The following SMYD2 variants were observed in gnomAD, a reference collection of about 807,000 sequenced individuals.
SMYD2 encodes the protein N-lysine methyltransferase SMYD2.
Under a neutral mutation model 59.1 loss-of-function variants are expected in SMYD2, and 53 were observed. The observed-to-expected ratio is 0.90, with a 90% CI of 0.72 to 1.13. The LOEUF is 1.13. SMYD2 is among the 50% of genes most tolerant of loss of function. The probability of loss-of-function intolerance (pLI) is 0.00; values close to 1 mark genes in which losing one functional copy is unlikely to be tolerated. For synonymous variants in SMYD2, 208 were observed against 198.8 expected (o/e 1.05, Z -0.39); for missense variants, 494 against 544.7 (o/e 0.91, Z 0.93).
chr1:214,321,697 G>A (rs1269294298), intron 5 of SMYD2, among the ~76,000 whole-genome samples: 2 of 152,222 alleles, frequency 1.3e-5, no homozygotes, highest in African/African-American at 4.8e-5. Context: ...TGATTGGGAA[G>A]TGTATTTTTG....
At chr1:214,322,877 T>A (rs1447608851) in intron 5 of SMYD2, among the ~76,000 whole-genome samples, 4 of 152,218 alleles carry the variant, frequency 2.6e-5, no homozygotes, top group Non-Finnish European at 5.9e-5. Context: ...AAATCTGAAG[T>A]ACCTAGCACA....
At chr1:214,325,205 C>A (rs1269107342) in intron 6 of SMYD2, among the ~76,000 whole-genome samples, 1 of 152,202 alleles carries the variant, frequency 6.6e-6, no homozygotes, top group Non-Finnish European at 1.5e-5. Flanking sequence ...ATAAAAATTT[C>A]AAAGAACTGT....
chr1:214,327,737 C>G lies in SMYD2; in HGVS notation c.705+13C>G, dbSNP rs762028244. 2.5e-6 allele frequency: 4 copies of G among 1,609,480 alleles called. No individual in the cohort carries two copies. The highest frequency in any genetic ancestry group is 1.3e-5 in the African/African-American group (1 of 74,816). On this transcript the variant is annotated intron_variant, in intron 7 of 11. Coordinates refer to ENST00000366957, the MANE Select transcript of SMYD2 (RefSeq NM_020197.3). ...GCCGGGAGAGGAGGTGAGTTCATGG[C>G]TATGGGTGGCTGCAGCAGGGGGCTT...
In SMYD2 at chr1:214,334,327, C is replaced by T. The variant is rs1476549549; in HGVS notation, c.1221+19C>T. On this transcript the variant is annotated intron_variant, in intron 11 of 11. Transcript: ENST00000366957. ...GAAGAAGGTATGTCTGTAACTCGGC[C>T]TTAGGATTCCCAGTGGCCAGATGGC... The T allele has an allele frequency of 7.5e-6, 12 of 1,608,482 alleles. No individual in the cohort carries two copies. In the South Asian group the frequency reaches 1.2e-4, roughly 16 times the overall value.
intron 1 of SMYD2, among the ~76,000 whole-genome samples, chr1:214,302,366 T>C (rs80230050): frequency 2.1e-4 from 32 of 151,434 alleles, no homozygotes; most frequent in African/African-American, 7.3e-4. Flanking sequence ...CAGTGTTTCC[T>C]GAGCTTTGAT....
chr1:214,282,148 G>T (rs535998716), intron 1 of SMYD2, among the ~76,000 whole-genome samples: 7 of 152,272 alleles, frequency 4.6e-5, no homozygotes, highest in African/African-American at 1.7e-4. Context: ...ATGTGTCTGT[G>T]TTTGTATATA....
chr1:214,298,596 GCAAA>G (rs1277997550), intron 1 of SMYD2, among the ~76,000 whole-genome samples: 2 of 152,140 alleles, frequency 1.3e-5, no homozygotes, highest in Admixed American at 1.3e-4. Context: ...TATCAACAGA[GCAAA>G]CAGACACCCT....
intron 2 of SMYD2, among the ~76,000 whole-genome samples, chr1:214,308,108 G>T (rs1037158150): frequency 6.6e-6 from 1 of 152,206 alleles, no homozygotes; most frequent in South Asian, 2.1e-4. Context: ...CCTGAGCACC[G>T]GGGATTACTT....
chr1:214,316,145 G>T (rs1188247716), intron 3 of SMYD2, among the ~76,000 whole-genome samples: 2 of 152,168 alleles, frequency 1.3e-5, no homozygotes, highest in African/African-American at 4.8e-5. Flanking sequence ...AGAGAAGTTG[G>T]TGGCAGGGCC....
chr1:214,312,429 A>T lies in SMYD2; in HGVS notation c.238-2333A>T, dbSNP rs1657011768. Among the ~76,000 whole-genome samples, 1 of 152,220 alleles carries T rather than the reference A, an allele frequency of 6.6e-6. No individual in the cohort carries two copies. The highest frequency in any genetic ancestry group is 2.1e-4 in the South Asian group (1 of 4,824). On this transcript the variant is annotated intron_variant, in intron 2 of 11. Coordinates refer to ENST00000366957, the MANE Select transcript of SMYD2 (RefSeq NM_020197.3). The surrounding 1 kb of genome is among the most constrained non-coding windows in gnomAD (Gnocchi z 4.1). Reference sequence around the variant, plus strand: ...TGGGGAGAGACAGATACTAAACCAAACAACTAATAAATATATAATATGCTC... The same window carrying T: ...TGGGGAGAGACAGATACTAAACCAATCAACTAATAAATATATAATATGCTC...
chr1:214,307,265 A>C (rs902994940), intron 2 of SMYD2, among the ~76,000 whole-genome samples: 4 of 152,240 alleles, frequency 2.6e-5, no homozygotes, highest in African/African-American at 4.8e-5. Context: ...CACCTTGATG[A>C]GTTAGGGACC....
chr1:214,285,948 A>C (rs1656531613), intron 1 of SMYD2, among the ~76,000 whole-genome samples: 1 of 152,254 alleles, frequency 6.6e-6, no homozygotes, highest in African/African-American at 2.4e-5. Flanking sequence ...ATATCTAAAC[A>C]TAGAAAAGGC....
At chr1:214,313,091 A>G (rs576616531) in intron 2 of SMYD2, among the ~76,000 whole-genome samples, 23 of 152,288 alleles carry the variant, frequency 1.5e-4, no homozygotes, top group Non-Finnish European at 2.5e-4. Context: ...AGCAGCGTCA[A>G]GGATGACTCT....
chr1:214,334,437 G>A (rs1437918721), intron 11 of SMYD2, 129 bp downstream of exon 11: 11 of 838,680 alleles, frequency 1.3e-5, no homozygotes, highest in Middle Eastern at 3.7e-4. Flanking sequence ...CCCTCTTGCC[G>A]TGGGAGCAGC....
At position 214,330,970 on chromosome 1, in the gene SMYD2, C is replaced by A; in HGVS notation, c.837C>A (p.Ile279=). 1 of 1,614,168 alleles carries A rather than the reference C, an allele frequency of 6.2e-7. No individual in the cohort carries two copies. Among genetic ancestry groups the A allele is most frequent in the Non-Finnish European group, 8.5e-7 (1 of 1,180,032 alleles). Residue 279 remains isoleucine, a synonymous_variant, in exon 9 of 12, where the codon ATC becomes ATA. Coordinates refer to ENST00000366957, the MANE Select transcript of SMYD2 (RefSeq NM_020197.3). ...TTCAGGATAAGGCCAAGGTGGAAAT[C>A]CGGAAGCTCAGCGATCCCCCAAAGG... is the stretch of plus-strand genomic sequence containing the variant. ...TKDKDKAKVE[I]RKLSDPPKAE... is the part of the protein sequence containing the mutation.
chr1:214,290,682 A>G (rs1656621891), intron 1 of SMYD2, among the ~76,000 whole-genome samples: 1 of 152,184 alleles, frequency 6.6e-6, no homozygotes, highest in Non-Finnish European at 1.5e-5. Context: ...GAAGACCTGA[A>G]TGTATCTTGG....
intron 5 of SMYD2, among the ~76,000 whole-genome samples, chr1:214,319,304 G>C (rs1308783181): frequency 1.3e-5 from 2 of 152,138 alleles, no homozygotes; most frequent in East Asian, 3.8e-4. Context: ...GCAAAGAAAA[G>C]ACCATTTGAA....
At chr1:214,314,667 G>C (rs1429735794) in intron 2 of SMYD2, 95 bp from the exon 3 acceptor site, 1 of 827,736 alleles carries the variant, frequency 1.2e-6, no homozygotes, top group Non-Finnish European at 2.0e-6. Context: ...TATTTTACTT[G>C]ACCTTAACTA....
intron 1 of SMYD2, among the ~76,000 whole-genome samples, chr1:214,296,014 G>A (rs1656720495): frequency 6.6e-6 from 1 of 152,176 alleles, no homozygotes; most frequent in Non-Finnish European, 1.5e-5. Context: ...GTTCAACAGA[G>A]CATACTTGTC....
Sources: gnomAD v4.1 joint callset for allele counts (sites outside exome capture counted in the v4.1 genomes callset) on GRCh38, gnomAD v4.1.1 for gene constraint, Gnocchi (gnomAD v3.1) non-coding constraint, MANE v1.5 for transcripts, NCBI Gene and HGNC (gene_info 2026-07-23, HGNC 2026-07-21) for gene names.